Variants in MACROD2 observed in about 807,000 individuals in gnomAD.
The protein encoded by MACROD2 is mono-ADP ribosylhydrolase 2.
A neutral mutation model predicts 70.4 loss-of-function variants in MACROD2; 36 were observed. The ratio of observed to expected loss-of-function variants is 0.51; its 90% CI spans 0.39 to 0.68. The LOEUF (loss-of-function observed/expected upper bound fraction) is 0.68. Ranked by LOEUF, MACROD2 falls within the 30% of genes least tolerant of loss-of-function variation. The pLI is 0.00. For synonymous variants in MACROD2, 172 were observed against 178.8 expected, an observed-to-expected ratio of 0.96 and a Z score of 0.30; for missense variants, 496 against 538.4, an observed-to-expected ratio of 0.92 and a Z score of 0.78.
chr20:14,762,952 C>CA (rs2072036843), intron 5 of MACROD2, among the ~76,000 whole-genome samples: 2 of 151,832 alleles, frequency 1.3e-5, no homozygotes, highest in South Asian at 4.2e-4. Context: ...AACAAACAAA[C>CA]AAAAAACATA....
intron 5 of MACROD2, among the ~76,000 whole-genome samples, chr20:15,091,807 A>G (rs1041672109): frequency 6.6e-6 from 1 of 152,276 alleles, no homozygotes; most frequent in East Asian, 1.9e-4. Flanking sequence ...ATTAGTTTTG[A>G]CACTGTATTT....
chr20:15,389,809 A>G (rs1198609076), intron 6 of MACROD2, among the ~76,000 whole-genome samples: 1 of 152,222 alleles, frequency 6.6e-6, no homozygotes, highest in Non-Finnish European at 1.5e-5. Flanking sequence ...TCTCTTAAAT[A>G]TATATCAGTC....
chr20:15,154,084 C>A (rs1029525522), intron 5 of MACROD2, among the ~76,000 whole-genome samples: 19 of 152,142 alleles, frequency 1.2e-4, no homozygotes, highest in African/African-American at 4.3e-4. Flanking sequence ...TTGCTTCTTT[C>A]TTTAGTCCTG....
At chr20:15,890,311 A>G (rs2147218072) in intron 10 of MACROD2, among the ~76,000 whole-genome samples, 1 of 152,310 alleles carries the variant, frequency 6.6e-6, no homozygotes, top group Admixed American at 6.5e-5. Context: ...CAAAAATGCA[A>G]AAAGTGATTT....
chr20:14,337,516 A>G, intron 3 of MACROD2: 1 of 398,802 alleles, frequency 2.5e-6, no homozygotes. Flanking sequence ...CGTCCAGTCC[A>G]CACAAAGCCC....
chr20:14,554,771 G>C (rs1370335104), intron 4 of MACROD2, among the ~76,000 whole-genome samples: 1 of 151,948 alleles, frequency 6.6e-6, no homozygotes, highest in Non-Finnish European at 1.5e-5. Context: ...AAATAGTACA[G>C]AATTAAAATA....
intron 3 of MACROD2, among the ~76,000 whole-genome samples, chr20:14,281,933 CAAAAAAAA>C: frequency 2.1e-5 from 2 of 96,550 alleles, no homozygotes; most frequent in East Asian, 6.2e-4. Context: ...GACTCCCTCT[CAAAAAAAA>C]AAAAAAAAAA....
In MACROD2 at chr20:15,299,302, G is replaced by A. The variant is rs904589442; in HGVS notation, c.540+69241G>A. On this transcript the variant is annotated intron_variant, in intron 6 of 17. Transcript: ENST00000684519. The stretch of plus-strand genomic sequence containing the variant: ...GATGCAGCTACTTAAGGAGCAAAAC[G>A]GTCAGGGTCATTTAAAATCTCTTAA... 3.9e-5 allele frequency among the ~76,000 whole-genome samples: 6 copies of A among 152,222 alleles called. No individual in the cohort carries two copies. The East Asian group carries it at 7.7e-4, about 20-fold the overall frequency.
chr20:14,250,227 T>C (rs1397770398), intron 3 of MACROD2, among the ~76,000 whole-genome samples: 1 of 152,112 alleles, frequency 6.6e-6, no homozygotes, highest in Non-Finnish European at 1.5e-5. Flanking sequence ...TGAGAGGATG[T>C]ACTGTCCCAC....
chr20:14,225,777 G>A (rs1452510001), intron 3 of MACROD2, among the ~76,000 whole-genome samples: 1 of 152,178 alleles, frequency 6.6e-6, no homozygotes, highest in Non-Finnish European at 1.5e-5. Flanking sequence ...GTGGTCTCAA[G>A]CTTAGGTGAT....
At chr20:14,635,862 A>C (rs934026863) in intron 4 of MACROD2, among the ~76,000 whole-genome samples, 3 of 152,220 alleles carry the variant, frequency 2.0e-5, no homozygotes, top group Admixed American at 2.0e-4. Flanking sequence ...TACTGGGATA[A>C]AAATGTGAGG....
At chr20:14,389,145 G>T (rs2083498547) in intron 3 of MACROD2, among the ~76,000 whole-genome samples, 1 of 152,038 alleles carries the variant, frequency 6.6e-6, no homozygotes, top group African/African-American at 2.4e-5. Context: ...CTTCCAAAGT[G>T]CTGGGATTAC....
At chr20:15,800,558 T>A (rs867321944) in intron 8 of MACROD2, among the ~76,000 whole-genome samples, 2 of 152,346 alleles carry the variant, frequency 1.3e-5, no homozygotes, top group African/African-American at 4.8e-5. Flanking sequence ...CAATGTATGT[T>A]CTTAATGCCT....
intron 6 of MACROD2, among the ~76,000 whole-genome samples, chr20:15,391,848 A>G (rs968934174): frequency 1.5e-4 from 23 of 152,236 alleles, no homozygotes; most frequent in Non-Finnish European, 4.4e-5. Context: ...CCTATCAGTA[A>G]GAAAAAAGAA....
intron 4 of MACROD2, among the ~76,000 whole-genome samples, chr20:14,672,297 T>C (rs2070804713): frequency 6.6e-6 from 1 of 152,248 alleles, no homozygotes; most frequent in Non-Finnish European, 1.5e-5. Flanking sequence ...TCTCTCATCC[T>C]TCAGCTAGCT....
chr20:15,487,485 A>C (rs971179145), intron 7 of MACROD2, among the ~76,000 whole-genome samples: 27 of 152,300 alleles, frequency 1.8e-4, no homozygotes, highest in African/African-American at 6.5e-4. Flanking sequence ...ATTATTTTTA[A>C]TCATAATCTT....
intron 3 of MACROD2, among the ~76,000 whole-genome samples, chr20:14,316,674 G>C (rs1315518409): frequency 1.3e-5 from 2 of 152,126 alleles, no homozygotes; most frequent in Non-Finnish European, 1.5e-5. Context: ...CCAAAAGATT[G>C]AACACCCCTG....
intron 8 of MACROD2, among the ~76,000 whole-genome samples, chr20:15,798,026 A>G (rs1257145630): frequency 3.3e-5 from 5 of 152,236 alleles, no homozygotes; most frequent in African/African-American, 1.2e-4. Flanking sequence ...AAAAGCTGCC[A>G]TAGACATTTC....
At chr20:15,400,490 G>A (rs2045914710) in intron 6 of MACROD2, among the ~76,000 whole-genome samples, 1 of 152,208 alleles carries the variant, frequency 6.6e-6, no homozygotes, top group Non-Finnish European at 1.5e-5. Flanking sequence ...AGGCTGCCTA[G>A]CTCACTGTGG....
Sources: gnomAD v4.1 joint callset for allele counts (sites outside exome capture counted in the v4.1 genomes callset) on GRCh38, gnomAD v4.1.1 for gene constraint, MANE v1.5 for transcripts, NCBI Gene and HGNC (gene_info 2026-07-23, HGNC 2026-07-21) for gene names.